The following IL1RAPL2 variants were observed in gnomAD, a reference collection of about 807,000 sequenced individuals.
IL1RAPL2 encodes X-linked interleukin-1 receptor accessory protein-like 2.
IL1RAPL2 carries 3 observed loss-of-function variants against 44.1 expected under a neutral mutation model. The observed-to-expected ratio is 0.07, with a 90% CI of 0.03 to 0.18. The LOEUF is 0.18. Among genes scored for constraint, IL1RAPL2 ranks in the 10% least tolerant of loss-of-function variants. The pLI, the probability that IL1RAPL2 is intolerant of heterozygous loss-of-function variation, is 1.00. For synonymous variants in IL1RAPL2, 181 were observed against 178.8 expected (o/e 1.01, Z -0.10); for missense variants, 391 against 496.4 (o/e 0.79, Z 2.02).
intron 2 of IL1RAPL2, among the ~76,000 whole-genome samples, chrX:105,163,778 T>A (rs774869766): frequency 2.1e-4 from 23 of 111,201 alleles, no homozygotes; most frequent in Non-Finnish European, 3.4e-4. Context: ...GAGTAGCTAC[T>A]TATAGTTAGG....
intron 2 of IL1RAPL2, among the ~76,000 whole-genome samples, chrX:104,861,812 T>C (rs778336383): frequency 2.7e-5 from 3 of 112,108 alleles, no homozygotes; most frequent in Non-Finnish European, 3.8e-5. Flanking sequence ...TGTTATACTG[T>C]GTTTATTCAC....
At chrX:105,603,906 T>C (rs780390315) in intron 6 of IL1RAPL2, among the ~76,000 whole-genome samples, 46 of 111,475 alleles carry the variant, frequency 4.1e-4, no homozygotes, top group Non-Finnish European at 7.8e-4. Context: ...AGTATTCTAC[T>C]TAACAACATT....
intron 6 of IL1RAPL2, among the ~76,000 whole-genome samples, chrX:105,485,265 T>C (rs2036257714): frequency 9.0e-6 from 1 of 111,475 alleles, no homozygotes; most frequent in South Asian, 3.8e-4. Flanking sequence ...GGAAGACAAA[T>C]TGATCCCAAT....
At chrX:104,995,406 G>A (rs1484660653) in intron 2 of IL1RAPL2, among the ~76,000 whole-genome samples, 2 of 111,483 alleles carry the variant, frequency 1.8e-5, no homozygotes, top group African/African-American at 3.3e-5. Flanking sequence ...AATAGTCCAG[G>A]TCTATCCAAG....
chrX:104,588,670 G>A (rs1928609248), intron 1 of IL1RAPL2, among the ~76,000 whole-genome samples: 1 of 111,882 alleles, frequency 8.9e-6, no homozygotes, highest in African/African-American at 3.2e-5. Flanking sequence ...AATAAAGTAA[G>A]TGAGATTAAT....
At chrX:105,735,360 G>C (rs1451611145) in intron 7 of IL1RAPL2, among the ~76,000 whole-genome samples, 1 of 108,526 alleles carries the variant, frequency 9.2e-6, no homozygotes, top group Non-Finnish European at 1.9e-5. Flanking sequence ...TTAAATAAGT[G>C]AGTTTTTTTG....
Position 104,706,026 on chromosome X carries a change from A to G in IL1RAPL2, c.82+47031A>G, listed in dbSNP as rs373574959. ...ACCTATTTGTTAATAGGCATCTTTTAAAGTAATTCAAGCTATAAGAACAAA... is the reference window on the plus strand; with the variant it reads ...ACCTATTTGTTAATAGGCATCTTTTGAAGTAATTCAAGCTATAAGAACAAA... On this transcript the variant is annotated intron_variant, in intron 2 of 10. Coordinates refer to ENST00000372582, the MANE Select transcript of IL1RAPL2 (RefSeq NM_017416.2). Among the ~76,000 whole-genome samples the G allele has an allele frequency of 2.1e-4, 24 of 111,764 alleles. 1 individual carries two copies. The East Asian group carries it at 3.7e-3, about 17-fold the overall frequency.
chrX:104,914,851 T>A (rs1187781067), intron 2 of IL1RAPL2, among the ~76,000 whole-genome samples: 1 of 111,234 alleles, frequency 9.0e-6, no homozygotes, highest in Non-Finnish European at 1.9e-5. Flanking sequence ...TAACTGAGAA[T>A]GATGATTTCC....
chrX:105,077,683 A>G (rs1296364915), intron 2 of IL1RAPL2, among the ~76,000 whole-genome samples: 4 of 111,769 alleles, frequency 3.6e-5, no homozygotes, highest in South Asian at 3.8e-4. Flanking sequence ...AGGTACACCA[A>G]TTAGACATAG....
intron 5 of IL1RAPL2, among the ~76,000 whole-genome samples, chrX:105,449,532 C>T (rs1286306111): frequency 2.8e-5 from 3 of 108,031 alleles, no homozygotes; most frequent in African/African-American, 6.8e-5. Flanking sequence ...TGCAGTGAGC[C>T]GAGATCGCGC....
chrX:104,803,959 C>T (rs1035960098), intron 2 of IL1RAPL2: 1 of 112,741 alleles, frequency 8.9e-6, no homozygotes, highest in Non-Finnish European at 1.9e-5. Context: ...CAGGGCACTA[C>T]CTGCCCACTC....
chrX:104,916,018 GT>G (rs1283909598), intron 2 of IL1RAPL2, among the ~76,000 whole-genome samples: 1 of 111,780 alleles, frequency 8.9e-6, no homozygotes, highest in Non-Finnish European at 1.9e-5. Context: ...CTCCAGCTTT[GT>G]TCTTTTGGCT....
chrX:104,935,532 A>C (rs892703766), intron 2 of IL1RAPL2, among the ~76,000 whole-genome samples: 5 of 112,224 alleles, frequency 4.5e-5, no homozygotes, highest in African/African-American at 1.6e-4. Flanking sequence ...GCAGCAAGAA[A>C]ATTGAAAGAA....
chrX:105,227,196 A>G (rs1569408978), intron 3 of IL1RAPL2, among the ~76,000 whole-genome samples: 1 of 110,686 alleles, frequency 9.0e-6, no homozygotes, highest in Non-Finnish European at 1.9e-5. Context: ...CATTGTGCAC[A>G]TGTACCCTAA....
intron 6 of IL1RAPL2, among the ~76,000 whole-genome samples, chrX:105,491,767 C>G (rs1181044926): frequency 2.7e-5 from 3 of 112,075 alleles, no homozygotes; most frequent in African/African-American, 9.7e-5. Flanking sequence ...CTGGACCAAG[C>G]CTTTTCCTTA....
At chrX:104,942,053 G>C (rs1925192932) in intron 2 of IL1RAPL2, among the ~76,000 whole-genome samples, 1 of 111,505 alleles carries the variant, frequency 9.0e-6, no homozygotes, top group Non-Finnish European at 1.9e-5. Context: ...TGTTCCATTG[G>C]TCTGTATCTT....
chrX:105,678,663 C>CTT (rs1419818308), intron 6 of IL1RAPL2, among the ~76,000 whole-genome samples: 1 of 110,529 alleles, frequency 9.0e-6, no homozygotes, highest in African/African-American at 3.3e-5. Context: ...CTTTTCCTGA[C>CTT]TTCTGAATAG....
chrX:105,042,431 A>T (rs1383524101), intron 2 of IL1RAPL2, among the ~76,000 whole-genome samples: 1 of 109,626 alleles, frequency 9.1e-6, no homozygotes, highest in Non-Finnish European at 1.9e-5. Flanking sequence ...ATGAACAGAC[A>T]CTTCTCAAAA....
At chrX:105,297,151 A>G (rs2034659501) in intron 5 of IL1RAPL2, among the ~76,000 whole-genome samples, 1 of 112,141 alleles carries the variant, frequency 8.9e-6, no homozygotes, top group African/African-American at 3.2e-5. Context: ...AGAAGAGCAT[A>G]CCAGGCAGAG....
Sources: allele counts gnomAD v4.1 joint callset (sites outside exome capture counted in the v4.1 genomes callset), GRCh38; gene constraint gnomAD v4.1.1; transcripts MANE v1.5; gene names NCBI Gene and HGNC (gene_info 2026-07-23, HGNC 2026-07-21).